TNNI3K: variants seen among roughly 807,000 people sequenced by gnomAD.
TNNI3K encodes the protein serine/threonine-protein kinase TNNI3K.
In TNNI3K, 140 loss-of-function variants were observed where a neutral mutation model predicts 114.5. The observed-to-expected ratio is 1.22, with a 90% confidence interval of 1.07 to 1.41. TNNI3K has a LOEUF of 1.41. TNNI3K is among the 40% of genes most tolerant of loss of function. The probability of loss-of-function intolerance (pLI) is 0.00; values close to 1 mark genes in which losing one functional copy is unlikely to be tolerated. For missense variants in TNNI3K, 1,125 were observed against 1,007.6 expected (o/e 1.12, Z -1.58); for synonymous variants, 347 against 347.5 (o/e 1.00, Z 0.02).
intron 21 of TNNI3K, among the ~76,000 whole-genome samples, chr1:74,477,078 A>C (rs1557592412): frequency 6.6e-6 from 1 of 152,164 alleles, no homozygotes; most frequent in Non-Finnish European, 1.5e-5. Context: ...TTGTAGCAAA[A>C]TTATGTAAAT....
intron 23 of TNNI3K, among the ~76,000 whole-genome samples, chr1:74,538,413 T>C (rs1646686250): frequency 6.6e-6 from 1 of 152,124 alleles, no homozygotes. Flanking sequence ...CTCCAAAAAC[T>C]CTTTTTTAAG....
chr1:74,520,770 A>C (rs890567717), intron 23 of TNNI3K, among the ~76,000 whole-genome samples: 11 of 152,168 alleles, frequency 7.2e-5, no homozygotes, highest in Non-Finnish European at 1.5e-5. Context: ...TAAAGAAAAC[A>C]GTCCCCTTTG....
chr1:74,353,822 G>A (rs546497433), intron 10 of TNNI3K, among the ~76,000 whole-genome samples, 158 bp from the exon 11 acceptor site: 15 of 152,232 alleles, frequency 9.9e-5, no homozygotes, highest in East Asian at 7.7e-4. Context: ...GTGATGTCTC[G>A]TTTGGTCAAT....
intron 1 of TNNI3K, among the ~76,000 whole-genome samples, chr1:74,235,757 G>A (rs2100819307): frequency 6.7e-6 from 1 of 149,954 alleles, no homozygotes; most frequent in South Asian, 2.1e-4. Flanking sequence ...CTGAATGTAG[G>A]GATTTTAGAA....
chr1:74,449,106 G>T (rs1344817248), intron 20 of TNNI3K, among the ~76,000 whole-genome samples: 1 of 145,968 alleles, frequency 6.9e-6, no homozygotes, highest in Non-Finnish European at 1.5e-5. Flanking sequence ...ACTCTTTTTG[G>T]TTGGTAAACT....
chr1:74,348,986 A>T (rs904319343), intron 9 of TNNI3K, among the ~76,000 whole-genome samples: 3 of 152,034 alleles, frequency 2.0e-5, no homozygotes, highest in Non-Finnish European at 4.4e-5. Flanking sequence ...AATGCCCTTT[A>T]TTTCCTTCTC....
At chr1:74,495,117 C>T (rs1669261998) in intron 23 of TNNI3K, among the ~76,000 whole-genome samples, 1 of 152,156 alleles carries the variant, frequency 6.6e-6, no homozygotes, top group African/African-American at 2.4e-5. Context: ...GTTTTATAGC[C>T]TTCTGGCCCT....
chr1:74,277,640 C>A (rs1297476145), intron 5 of TNNI3K, among the ~76,000 whole-genome samples: 1 of 152,140 alleles, frequency 6.6e-6, no homozygotes, highest in East Asian at 1.9e-4. Flanking sequence ...AGTTGTTACT[C>A]TGGTGTTACG....
At chr1:74,459,312 A>T (rs1459724171) in intron 20 of TNNI3K, among the ~76,000 whole-genome samples, 2 of 152,314 alleles carry the variant, frequency 1.3e-5, no homozygotes, top group East Asian at 3.9e-4. Context: ...ACAGTCCCTG[A>T]CCTCAAGGCA....
intron 17 of TNNI3K, among the ~76,000 whole-genome samples, chr1:74,378,376 C>T (rs989150642): frequency 2.6e-5 from 4 of 151,360 alleles, no homozygotes; most frequent in African/African-American, 9.7e-5. Flanking sequence ...GGTTCCAATA[C>T]AATTGAAATT....
intron 5 of TNNI3K, among the ~76,000 whole-genome samples, chr1:74,307,886 CTGGG>C (rs1658747483): frequency 6.6e-6 from 1 of 152,142 alleles, no homozygotes; most frequent in Non-Finnish European, 1.5e-5. Flanking sequence ...TCACTTGAAC[CTGGG>C]AGGCAGAGGT....
chr1:74,413,040 T>C (rs1664960747), intron 17 of TNNI3K, among the ~76,000 whole-genome samples: 1 of 152,162 alleles, frequency 6.6e-6, no homozygotes, highest in Non-Finnish European at 1.5e-5. Context: ...ACAAAACAGG[T>C]GTTATTAGTG....
chr1:74,524,005 C>T (rs961933373), intron 23 of TNNI3K, among the ~76,000 whole-genome samples: 20 of 152,230 alleles, frequency 1.3e-4, no homozygotes, highest in Non-Finnish European at 1.2e-4. Flanking sequence ...TCCATCAAGC[C>T]ACAATTCCAA....
At chr1:74,319,330 T>C (rs1659483633) in intron 5 of TNNI3K, among the ~76,000 whole-genome samples, 1 of 152,242 alleles carries the variant, frequency 6.6e-6, no homozygotes, top group Non-Finnish European at 1.5e-5. Flanking sequence ...ATAATCTTGT[T>C]GTAACCTATT....
chr1:74,419,037 T>C (rs274583), intron 17 of TNNI3K, among the ~76,000 whole-genome samples: 142,266 of 152,100 alleles, frequency 0.94, 66,603 homozygotes, highest in African/African-American at 0.98. Context: ...CCTGTGGCTT[T>C]CGTAACAAAT....
At chr1:74,459,785 C>G (rs1339524083) in intron 20 of TNNI3K, among the ~76,000 whole-genome samples, 1 of 152,136 alleles carries the variant, frequency 6.6e-6, no homozygotes, top group East Asian at 1.9e-4. Flanking sequence ...CATGTCTTTT[C>G]TTTTCTTGAT....
At chr1:74,435,322 C>T (rs767199586) in intron 17 of TNNI3K, among the ~76,000 whole-genome samples, 49 of 151,988 alleles carry the variant, frequency 3.2e-4, no homozygotes, top group Non-Finnish European at 5.3e-4. Flanking sequence ...AAAAGTTATA[C>T]GTATGAGGCA....
chr1:74,391,959 T>TATTA (rs1348808121), intron 17 of TNNI3K, among the ~76,000 whole-genome samples: 5 of 99,766 alleles, frequency 5.0e-5, no homozygotes, highest in African/African-American at 1.1e-4. Flanking sequence ...AGCTTATTAT[T>TATTA]TTTTTTTTTT....
intron 21 of TNNI3K, among the ~76,000 whole-genome samples, chr1:74,482,139 A>C (rs1668536680): frequency 6.6e-6 from 1 of 152,164 alleles, no homozygotes; most frequent in Admixed American, 6.5e-5. Context: ...TATGGGATGA[A>C]GGAGGTTTGT....
Sources: allele counts gnomAD v4.1 joint callset (sites outside exome capture counted in the v4.1 genomes callset), GRCh38; gene constraint gnomAD v4.1.1; transcripts MANE v1.5; gene names NCBI Gene and HGNC (gene_info 2026-07-23, HGNC 2026-07-21).